The following GDI2 variants were observed in gnomAD, a reference collection of about 807,000 sequenced individuals.
GDI2 encodes rab GDP dissociation inhibitor beta.
A neutral mutation model predicts 54.2 loss-of-function variants in GDI2; 22 were observed. The ratio of observed to expected loss-of-function variants is 0.41; its 90% CI spans 0.29 to 0.58. The LOEUF (loss-of-function observed/expected upper bound fraction) is 0.58. GDI2 is among the 20% of genes least tolerant of loss of function. The pLI, the probability that GDI2 is intolerant of heterozygous loss-of-function variation, is 0.35. For missense variants in GDI2, 422 were observed against 546.0 expected (o/e 0.77, Z 2.26); for synonymous variants, 177 against 182.1 (o/e 0.97, Z 0.23).
At chr10:5,772,655 G>A (rs1840516506) in intron 7 of GDI2, among the ~76,000 whole-genome samples, 1 of 152,156 alleles carries the variant, frequency 6.6e-6, no homozygotes, top group African/African-American at 2.4e-5. Flanking sequence ...TACTCGGGAG[G>A]CTGAGGTAGG....
intron 6 of GDI2, among the ~76,000 whole-genome samples, chr10:5,783,604 A>G (rs1840808713): frequency 6.6e-6 from 1 of 152,190 alleles, no homozygotes; most frequent in African/African-American, 2.4e-5. Context: ...ATTTGTTTCA[A>G]GATTTGGAGC....
rs1195061003 is a variant in GDI2, at chr10:5,774,000, CCT to C, written c.720-61_720-60del. On this transcript the variant is annotated intron_variant, in intron 6 of 10. Coordinates refer to ENST00000380191, the MANE Select transcript of GDI2 (RefSeq NM_001494.4). ...ATAGTTGTTTCAACTCCTAAAGTCC[CCT>C]TTCTTAGATCTTAATGAGTTACAGA... 5.5e-6 allele frequency: 4 copies of C among 731,198 alleles called. No homozygotes were observed. In the African/African-American group the frequency reaches 7.1e-5, roughly 13 times the overall value. 45.3% of individuals were successfully genotyped at this position (731,198 alleles called of 1,614,324 possible).
chr10:5,809,293 G>T (rs1471242723), intron 1 of GDI2, among the ~76,000 whole-genome samples: 11 of 149,822 alleles, frequency 7.3e-5, no homozygotes, highest in Admixed American at 3.3e-4. Context: ...CTCTTGAAAT[G>T]TGGCTAATTA....
At chr10:5,779,566 A>T (rs1840705220) in intron 6 of GDI2, among the ~76,000 whole-genome samples, 2 of 151,864 alleles carry the variant, frequency 1.3e-5, no homozygotes, top group Non-Finnish European at 2.9e-5. Context: ...AGTATAAAAA[A>T]ATTAAAATTC....
Position 5,809,364 on chromosome 10 carries a change from G to GC in GDI2, c.45+3849dup, listed in dbSNP as rs200423013. On this transcript the variant is annotated intron_variant, in intron 1 of 10. Coordinates refer to ENST00000380191, the MANE Select transcript of GDI2 (RefSeq NM_001494.4). ...TTGAAGATAATTTTCACATTTCTTA[G>GC]CCTAGAATCTCTCTCCAAAGCTTCT... Among the ~76,000 whole-genome samples, 857 of 151,978 alleles carry GC rather than the reference G, an allele frequency of 5.6e-3. 12 individuals carry two copies. Among genetic ancestry groups the GC allele is most frequent in the African/African-American group, 0.02 (824 of 41,446 alleles).
rs977010900 is a variant in GDI2, at chr10:5,766,474, T to C, written c.1136+20A>G. 40 of 1,612,342 alleles carry C rather than the reference T, an allele frequency of 2.5e-5. No individual in the cohort carries two copies. The East Asian group carries it at 5.1e-4, about 21-fold the overall frequency. On this transcript the variant is annotated intron_variant, in intron 9 of 10. Coordinates refer to ENST00000380191, the MANE Select transcript of GDI2 (RefSeq NM_001494.4). The surrounding 1 kb of genome is among the most constrained non-coding windows in gnomAD (Gnocchi z 5.8). ...AGGCCTCAGTTTGCATCTCGGCAGATATAAAAGAACACAACTCACTTCTGT... is the reference window on the plus strand; with the variant it reads ...AGGCCTCAGTTTGCATCTCGGCAGACATAAAAGAACACAACTCACTTCTGT...
intron 1 of GDI2, among the ~76,000 whole-genome samples, 186 bp downstream of exon 1, chr10:5,813,028 C>T (rs1256222648): frequency 6.6e-6 from 1 of 152,174 alleles, no homozygotes; most frequent in East Asian, 1.9e-4. Context: ...CTGGGAGCCG[C>T]CCGCTCGCCC....
At chr10:5,784,699 CT>C (rs1840834028) in intron 6 of GDI2, among the ~76,000 whole-genome samples, 1 of 152,354 alleles carries the variant, frequency 6.6e-6, no homozygotes, top group African/African-American at 2.4e-5. Flanking sequence ...TATTTCTCTT[CT>C]TGATCTAGCC....
At chr10:5,796,123 G>A (rs1359157130) in intron 3 of GDI2, among the ~76,000 whole-genome samples, 1 of 152,118 alleles carries the variant, frequency 6.6e-6, no homozygotes, top group Non-Finnish European at 1.5e-5. Context: ...GCTGAGGCGA[G>A]CAGGTCACTT....
intron 7 of GDI2, among the ~76,000 whole-genome samples, chr10:5,771,497 T>A (rs1171202328): frequency 1.3e-5 from 2 of 152,196 alleles, no homozygotes; most frequent in Admixed American, 1.3e-4. Context: ...ATTCTTCCTC[T>A]TCCAATGTGG....
chr10:5,770,864 G>A (rs1840473084), intron 7 of GDI2, among the ~76,000 whole-genome samples: 1 of 148,506 alleles, frequency 6.7e-6, no homozygotes, highest in Non-Finnish European at 1.5e-5. Flanking sequence ...TACTCAGGAG[G>A]TTGAGGCAGG....
intron 3 of GDI2, 111 bp downstream of exon 3, chr10:5,796,652 T>C (rs1004167754): frequency 4.6e-6 from 3 of 650,312 alleles, no homozygotes; most frequent in East Asian, 2.6e-5. Flanking sequence ...TGCTGTTTCA[T>C]TCAACAAAAT....
intron 4 of GDI2, among the ~76,000 whole-genome samples, chr10:5,788,422 C>G (rs993208459): frequency 3.9e-5 from 6 of 152,152 alleles, no homozygotes; most frequent in African/African-American, 1.4e-4. Context: ...AATGGATCAC[C>G]ATGGGATATG....
chr10:5,783,575 C>A (rs971114542), intron 6 of GDI2, among the ~76,000 whole-genome samples: 1 of 152,142 alleles, frequency 6.6e-6, no homozygotes, highest in Non-Finnish European at 1.5e-5. Context: ...TAAGGAGATA[C>A]AATTTTGGTA....
intron 7 of GDI2, among the ~76,000 whole-genome samples, chr10:5,772,967 A>G (rs527964689): frequency 6.6e-6 from 1 of 152,026 alleles, no homozygotes; most frequent in African/African-American, 2.4e-5. Context: ...TAACCTGGAC[A>G]TAATACCCGC....
chr10:5,780,682 T>G (rs1279672765), intron 6 of GDI2, among the ~76,000 whole-genome samples: 2 of 152,176 alleles, frequency 1.3e-5, no homozygotes, highest in African/African-American at 4.8e-5. Flanking sequence ...CAAAATACAT[T>G]AACAGCGGCA....
In GDI2 at chr10:5,775,852, G is replaced by A. The variant is rs1246504055; in HGVS notation, c.720-1911C>T. On this transcript the variant is annotated intron_variant, in intron 6 of 10. Transcript: ENST00000380191. ...TGACGTCATGGCACCGTGCGTGGCAGCAGCAGCAGCGCAGGTGGCAGGCCC... is the reference window on the plus strand; with the variant it reads ...TGACGTCATGGCACCGTGCGTGGCAACAGCAGCAGCGCAGGTGGCAGGCCC... Among the ~76,000 whole-genome samples the A allele has an allele frequency of 2.6e-5, 4 of 152,308 alleles. No homozygotes were observed. In the East Asian group the frequency reaches 7.7e-4, roughly 29 times the overall value.
At chr10:5,796,947 T>G in intron 2 of GDI2, 85 bp from the exon 3 acceptor site, 1 of 661,014 alleles carries the variant, frequency 1.5e-6, no homozygotes, top group Non-Finnish European at 2.7e-6. Flanking sequence ...TTAAGTGCTT[T>G]TAGTATAACT....
At chr10:5,805,442 T>C (rs1841356970) in intron 1 of GDI2, among the ~76,000 whole-genome samples, 1 of 149,584 alleles carries the variant, frequency 6.7e-6, no homozygotes, top group Non-Finnish European at 1.5e-5. Flanking sequence ...AGTGCAGTGG[T>C]GTGATCATGG....
Sources: allele counts gnomAD v4.1 joint callset (sites outside exome capture counted in the v4.1 genomes callset), GRCh38; gene constraint gnomAD v4.1.1; non-coding constraint Gnocchi (gnomAD v3.1); transcripts MANE v1.5; gene names NCBI Gene and HGNC (gene_info 2026-07-23, HGNC 2026-07-21).